Variants in PDE11A observed in about 807,000 individuals in gnomAD.
PDE11A encodes phosphodiesterase 11A.
PDE11A carries 100 observed loss-of-function variants against 100.5 expected under a neutral mutation model. That is an observed-to-expected ratio of 1.00 (90% CI 0.85 to 1.18). PDE11A has a LOEUF of 1.18. PDE11A is among the 50% of genes most tolerant of loss of function. PDE11A has a pLI of 0.00. For missense variants in PDE11A, 1,141 were observed against 1,152.6 expected, an observed-to-expected ratio of 0.99 and a Z score of 0.15; for synonymous variants, 381 against 420.8, an observed-to-expected ratio of 0.91 and a Z score of 1.16.
chr2:177,776,946 TG>T (rs1217633662), intron 9 of PDE11A, among the ~76,000 whole-genome samples: 5 of 152,170 alleles, frequency 3.3e-5, no homozygotes, highest in Non-Finnish European at 5.9e-5. Flanking sequence ...GCTGTTCTCA[TG>T]ATAGTGAGTC....
At chr2:177,695,008 T>TC (rs2081089190) in intron 15 of PDE11A, among the ~76,000 whole-genome samples, 4 of 151,900 alleles carry the variant, frequency 2.6e-5, no homozygotes, top group Admixed American at 2.6e-4. Context: ...ATTTTTTTTT[T>TC]CTGTTTGTTT....
At chr2:177,644,400 C>A (rs549383025) in intron 19 of PDE11A, among the ~76,000 whole-genome samples, 29 of 152,010 alleles carry the variant, frequency 1.9e-4, no homozygotes, top group Non-Finnish European at 4.0e-4. Context: ...GATTTGACTG[C>A]CCCACTGGAT....
At chr2:177,727,167 A>C (rs760788756) in intron 12 of PDE11A, among the ~76,000 whole-genome samples, 4 of 151,952 alleles carry the variant, frequency 2.6e-5, no homozygotes, top group Non-Finnish European at 2.9e-5. Context: ...GTAAGCCCTA[A>C]ACCTGGAGAG....
At chr2:177,928,280 G>A (rs1056077640) in intron 2 of PDE11A, among the ~76,000 whole-genome samples, 1 of 152,104 alleles carries the variant, frequency 6.6e-6, no homozygotes, top group Admixed American at 6.5e-5. Flanking sequence ...AGGATCACTT[G>A]AAGCCAGGAG....
intron 17 of PDE11A, among the ~76,000 whole-genome samples, chr2:177,672,476 A>G (rs1243665639): frequency 6.6e-6 from 1 of 152,214 alleles, no homozygotes; most frequent in Non-Finnish European, 1.5e-5. Context: ...AGAAAAGAAG[A>G]GAAAGACAGA....
At chr2:178,058,103 A>G (rs1366950570) in intron 1 of PDE11A, among the ~76,000 whole-genome samples, 1 of 151,480 alleles carries the variant, frequency 6.6e-6, no homozygotes, top group Admixed American at 6.6e-5. Context: ...TGATCTACCC[A>G]CCTTGGCCTC....
intron 6 of PDE11A, among the ~76,000 whole-genome samples, chr2:177,836,315 C>A (rs2083396950): frequency 6.6e-6 from 1 of 152,060 alleles, no homozygotes; most frequent in Non-Finnish European, 1.5e-5. Flanking sequence ...ATACACCAAT[C>A]AGCACTCTGT....
chr2:177,821,412 GC>G (rs1244708223), intron 6 of PDE11A, among the ~76,000 whole-genome samples: 6 of 150,704 alleles, frequency 4.0e-5, no homozygotes, highest in African/African-American at 1.5e-4. Context: ...TATTATCACT[GC>G]CCCAGAAGCC....
intron 2 of PDE11A, among the ~76,000 whole-genome samples, chr2:177,926,534 G>A (rs924791134): frequency 3.3e-5 from 5 of 152,104 alleles, no homozygotes; most frequent in African/African-American, 9.7e-5. Context: ...CACTGAGGGC[G>A]AACAGCTCTA....
chr2:178,077,123 C>T (rs10209616), upstream of PDE11A, among the ~76,000 whole-genome samples: 712 of 152,228 alleles, frequency 4.7e-3, 5 homozygotes, highest in African/African-American at 0.017. Context: ...AATTATATAG[C>T]CAAGCACATC....
intron 5 of PDE11A, among the ~76,000 whole-genome samples, chr2:177,863,372 C>T (rs1273858246): frequency 6.6e-6 from 1 of 151,918 alleles, no homozygotes; most frequent in Non-Finnish European, 1.5e-5. Flanking sequence ...CCAAAGGAAA[C>T]AACCAACAAA....
chr2:177,881,050 T>C (rs2084325473), intron 4 of PDE11A, among the ~76,000 whole-genome samples: 1 of 152,122 alleles, frequency 6.6e-6, no homozygotes, highest in South Asian at 2.1e-4. Context: ...TAAAGAAGAT[T>C]GTCCTGAGCA....
At position 177,743,144 on chromosome 2, in the gene PDE11A, A is replaced by G. The variant is rs191247193; in HGVS notation, c.1789-14972T>C. On this transcript the variant is annotated intron_variant, in intron 10 of 19. Transcript: ENST00000286063. ...TTTAGCTCTCTTTTGGGACAAGGAA[A>G]GGGAAAGAATCAAAGCTTAATACAG... Among the ~76,000 whole-genome samples the G allele has an allele frequency of 2.6e-3, 402 of 152,344 alleles. 1 individual carries two copies. Among genetic ancestry groups the G allele is most frequent in the Non-Finnish European group, 3.4e-3 (230 of 68,026 alleles).
At chr2:177,683,105 T>C (rs1321724738) in intron 15 of PDE11A, among the ~76,000 whole-genome samples, 2 of 152,176 alleles carry the variant, frequency 1.3e-5, no homozygotes, top group African/African-American at 4.8e-5. Flanking sequence ...TGACCAACTG[T>C]GTGGATTTCT....
Position 177,697,324 on chromosome 2 carries a change from A to G in PDE11A, c.2345+8T>C, listed in dbSNP as rs1449686594. ...CATTTGTCAAACAGATCAAATGCCA[A>G]TACCTACTCAAAGTACAGCGTGAGG... On this transcript the variant is annotated splice_region_variant and intron_variant, in intron 15 of 19. Transcript: ENST00000286063. The G allele has an allele frequency of 1.4e-6, 2 of 1,386,072 alleles. No individual in the cohort carries two copies. The highest frequency in any genetic ancestry group is 2.3e-5 in the East Asian group (1 of 43,776). 85.9% of individuals were successfully genotyped at this position (1,386,072 alleles called of 1,614,324 possible).
intron 2 of PDE11A, among the ~76,000 whole-genome samples, chr2:177,940,181 A>T (rs185556916): frequency 1.7e-3 from 257 of 152,232 alleles, no homozygotes; most frequent in African/African-American, 5.9e-3. Flanking sequence ...TTACTATACT[A>T]TTTTATCTAA....
chr2:177,939,142 T>C lies in PDE11A; in HGVS notation c.1072-33955A>G, dbSNP rs72950805. 5.0e-3 allele frequency among the ~76,000 whole-genome samples: 764 copies of C among 152,268 alleles called. 6 individuals are homozygous for C. Among genetic ancestry groups the C allele is most frequent in the Non-Finnish European group, 7.6e-3 (519 of 68,024 alleles). On this transcript the variant is annotated intron_variant, in intron 2 of 19. Coordinates refer to ENST00000286063, the MANE Select transcript of PDE11A (RefSeq NM_016953.4). Reference sequence around the variant, plus strand: ...CATAACATGCAACCAGGAACTTCTATAATTGAAGAAATCGGAGCTGGGAAA... The same window carrying C: ...CATAACATGCAACCAGGAACTTCTACAATTGAAGAAATCGGAGCTGGGAAA...
At chr2:177,907,504 T>A (rs2105738431) in intron 2 of PDE11A, among the ~76,000 whole-genome samples, 1 of 152,330 alleles carries the variant, frequency 6.6e-6, no homozygotes, top group African/African-American at 2.4e-5. Context: ...TGTTTTATAT[T>A]CACTTATGTT....
At chr2:177,790,931 T>C (rs2105535001) in intron 9 of PDE11A, among the ~76,000 whole-genome samples, 1 of 152,350 alleles carries the variant, frequency 6.6e-6, no homozygotes, top group Non-Finnish European at 1.5e-5. Context: ...ACTTTTACAC[T>C]GTTGGAGAGA....
Sources: gnomAD v4.1 joint callset for allele counts (sites outside exome capture counted in the v4.1 genomes callset) on GRCh38, gnomAD v4.1.1 for gene constraint, MANE v1.5 for transcripts, NCBI Gene and HGNC (gene_info 2026-07-23, HGNC 2026-07-21) for gene names.